CYSLTR2: variants seen among roughly 807,000 people sequenced by gnomAD.
The protein encoded by CYSLTR2 is cysteinyl leukotriene receptor 2.
For synonymous variants in CYSLTR2, 179 were observed against 160.8 expected (o/e 1.11, Z -0.86); for missense variants, 398 against 411.9 (o/e 0.97, Z 0.29).
At chr13:48,706,796 G>A in intron 4 of CYSLTR2, 21 bp from the exon 5 acceptor site, 2 of 1,575,528 alleles carry the variant, frequency 1.3e-6, no homozygotes, top group African/African-American at 1.4e-5. Context: ...AACTTTTTGT[G>A]TCTGTTTCTT....
intron 4 of CYSLTR2, among the ~76,000 whole-genome samples, chr13:48,705,536 T>TA (rs550891419): frequency 3.4e-4 from 51 of 150,954 alleles, no homozygotes; most frequent in African/African-American, 1.1e-3. Flanking sequence ...TATTTATCTG[T>TA]AATGTTTTTG....
rs115490599 is a variant in CYSLTR2 at position 48,674,628 on chromosome 13, C to T, written c.-265-16584C>T. ...CTTCTGAAGCCTACTTCTGTCAATT[C>T]GTCAAACCCATTCACCATTCAGTTT... is the stretch of plus-strand genomic sequence containing the variant. On this transcript the variant is annotated intron_variant, in intron 1 of 4. Coordinates refer to ENST00000682523, the MANE Select transcript of CYSLTR2 (RefSeq NM_001308476.3). Among the ~76,000 whole-genome samples the T allele has an allele frequency of 3.2e-3, 490 of 152,294 alleles. 4 individuals are homozygous for T. Among genetic ancestry groups the T allele is most frequent in the African/African-American group, 0.011 (474 of 41,558 alleles).
In CYSLTR2 at chr13:48,675,803, C is replaced by G. The variant is rs73182546; in HGVS notation, c.-265-15409C>G. On this transcript the variant is annotated intron_variant, in intron 1 of 4. Transcript: ENST00000682523. Reference sequence around the variant, plus strand: ...TAGGCACCCGAGGGATTCTCCTAGTCCGCAGGTTGCAAAAACCATGGAAAA... The same window carrying G: ...TAGGCACCCGAGGGATTCTCCTAGTGCGCAGGTTGCAAAAACCATGGAAAA... Among the ~76,000 whole-genome samples the G allele has an allele frequency of 3.9e-3, 597 of 152,268 alleles. 8 individuals are homozygous for G. Among genetic ancestry groups the G allele is most frequent in the South Asian group, 0.028 (137 of 4,822 alleles).
intron 1 of CYSLTR2, among the ~76,000 whole-genome samples, chr13:48,680,102 G>A (rs901052974): frequency 3.9e-5 from 6 of 152,166 alleles, no homozygotes; most frequent in African/African-American, 1.2e-4. Flanking sequence ...GTAGCAATTT[G>A]CCACAAGGTC....
At chr13:48,706,494 C>A in intron 4 of CYSLTR2, 1 of 225,442 alleles carries the variant, frequency 4.4e-6, no homozygotes, top group East Asian at 9.8e-5. Flanking sequence ...ATCTGCTATT[C>A]AGTAGTTTTA....
rs1263195690 is a variant in CYSLTR2 at position 48,691,293 on chromosome 13, TC to T, written c.-183del. ...GTCCATGCAAGGTATGGAGAGTTCC[TC>T]AACAGAGGTAATCAATCATCAGCTT... On this transcript the variant is annotated 5_prime_UTR_variant, in exon 2 of 5. The change creates a premature stop within an existing upstream ORF in the 5' untranslated region. Coordinates refer to ENST00000682523, the MANE Select transcript of CYSLTR2 (RefSeq NM_001308476.3). 6.6e-6 allele frequency: 1 copy of T among 152,040 alleles called. No individual in the cohort carries two copies. Among genetic ancestry groups the T allele is most frequent in the Non-Finnish European group, 1.5e-5 (1 of 67,946 alleles). 9.4% of individuals were successfully genotyped at this position (152,040 alleles called of 1,614,324 possible). A position where few individuals can be genotyped will look rare whatever the true frequency, so the allele number is the denominator to read the frequency against.
intron 1 of CYSLTR2, among the ~76,000 whole-genome samples, chr13:48,690,376 A>G (rs1339955916): frequency 1.3e-5 from 2 of 152,092 alleles, no homozygotes; most frequent in Non-Finnish European, 2.9e-5. Context: ...TCAGTATGAT[A>G]TTGGCTGTGG....
intron 1 of CYSLTR2, among the ~76,000 whole-genome samples, chr13:48,674,811 G>T (rs1255265058): frequency 6.6e-6 from 1 of 152,072 alleles, no homozygotes; most frequent in Admixed American, 6.5e-5. Context: ...ATTTTTGCAC[G>T]GGCATCCTTT....
In CYSLTR2 at chr13:48,693,460, C is replaced by G. The variant is rs1594002376; in HGVS notation, c.-153C>G. 6.6e-6 allele frequency: 1 copy of G among 151,542 alleles called. No individual in the cohort carries two copies. Among genetic ancestry groups the G allele is most frequent in the East Asian group, 1.9e-4 (1 of 5,162 alleles). The allele number at this position is 151,542 out of a possible 1,614,324, so 9.4% of individuals were successfully genotyped here. ...CAGACATTTTGACTACTTGTCTGAA[C>G]TAGATATCCCTTGAATGTGCACACA... is the stretch of plus-strand genomic sequence containing the variant. On this transcript the variant is annotated 5_prime_UTR_variant, in exon 3 of 5. Transcript: ENST00000682523.
chr13:48,675,491 C>T (rs936516591), intron 1 of CYSLTR2, among the ~76,000 whole-genome samples: 8 of 152,174 alleles, frequency 5.3e-5, no homozygotes, highest in Non-Finnish European at 1.2e-4. Flanking sequence ...ACCCCTCCCC[C>T]ATCAAGCTCA....
At chr13:48,682,853 A>AT (rs1215658416) in intron 1 of CYSLTR2, among the ~76,000 whole-genome samples, 3 of 151,966 alleles carry the variant, frequency 2.0e-5, no homozygotes, top group Non-Finnish European at 4.4e-5. Context: ...CCCAATAACT[A>AT]TTTTTTCTGA....
At position 48,707,876 on chromosome 13, in the gene CYSLTR2, C is replaced by T; in HGVS notation, c.*18C>T. On this transcript the variant is annotated 3_prime_UTR_variant, in exon 5 of 5. Coordinates refer to ENST00000682523, the MANE Select transcript of CYSLTR2 (RefSeq NM_001308476.3). ...GAGTATAAGGAGCTCTTAGATGAGA[C>T]CTGTTCTTGTATCCTTGTGTCCATC... 1 of 1,500,762 alleles carries T rather than the reference C, an allele frequency of 6.7e-7. No individual in the cohort carries two copies. The highest frequency in any genetic ancestry group is 1.4e-5 in the African/African-American group (1 of 71,536). The allele number at this position is 1,500,762 out of a possible 1,614,324, so 93.0% of individuals were successfully genotyped here.
intron 4 of CYSLTR2, among the ~76,000 whole-genome samples, chr13:48,702,052 A>C (rs1265861831): frequency 6.6e-6 from 1 of 152,124 alleles, no homozygotes; most frequent in Non-Finnish European, 1.5e-5. Context: ...AAAATGTGAC[A>C]CATATACACC....
intron 2 of CYSLTR2, among the ~76,000 whole-genome samples, chr13:48,692,986 A>T (rs1954075782): frequency 6.6e-6 from 1 of 151,876 alleles, no homozygotes; most frequent in East Asian, 1.9e-4. Context: ...CCTTAAAGTT[A>T]GTTAAGGATC....
intron 1 of CYSLTR2, among the ~76,000 whole-genome samples, chr13:48,682,314 C>T (rs1006256364): frequency 6.6e-6 from 1 of 152,150 alleles, no homozygotes; most frequent in African/African-American, 2.4e-5. Flanking sequence ...AAGTATAATT[C>T]ACTGTAAGAT....
At chr13:48,681,103 T>C (rs1039320133) in intron 1 of CYSLTR2, among the ~76,000 whole-genome samples, 12 of 152,086 alleles carry the variant, frequency 7.9e-5, no homozygotes, top group Non-Finnish European at 1.6e-4. Flanking sequence ...CAACTGTGGC[T>C]GCTTGACAAC....
Position 48,707,844 on chromosome 13 carries a change from G to A in CYSLTR2, c.1027G>A (p.Glu343Lys), listed in dbSNP as rs777806801. ...VFPVSVWLRK[E>K]TRV is the part of the protein sequence containing the mutation. ...CCCTGTTAGTGTGTGGTTGAGAAAGGAAACAAGAGTATAAGGAGCTCTTAG... is the reference window on the plus strand; with the variant it reads ...CCCTGTTAGTGTGTGGTTGAGAAAGAAAACAAGAGTATAAGGAGCTCTTAG... The change falls in exon 5 of 5, where the codon GAA (glutamate) becomes AAA (lysine). Residue 343 changes from glutamate (E) to lysine (K), a missense_variant. Coordinates refer to ENST00000682523, the MANE Select transcript of CYSLTR2 (RefSeq NM_001308476.3). 6.6e-7 allele frequency: 1 copy of A among 1,524,740 alleles called. No homozygotes were observed. Among genetic ancestry groups the A allele is most frequent in the Non-Finnish European group, 8.8e-7 (1 of 1,138,368 alleles). 94.5% of individuals were successfully genotyped at this position (1,524,740 alleles called of 1,614,324 possible).
intron 4 of CYSLTR2, among the ~76,000 whole-genome samples, chr13:48,697,183 T>G (rs1335485378): frequency 6.6e-6 from 1 of 152,212 alleles, no homozygotes; most frequent in South Asian, 2.1e-4. Context: ...GCACGGAGTT[T>G]GAGATCTGAG....
chr13:48,693,394 A>G (rs997480441), intron 2 of CYSLTR2, 44 bp from the exon 3 acceptor site: 1 of 152,106 alleles, frequency 6.6e-6, no homozygotes, highest in African/African-American at 2.4e-5. Flanking sequence ...TTGTGCCCAC[A>G]GAAAGAAACA....
Sources: allele counts gnomAD v4.1 joint callset (sites outside exome capture counted in the v4.1 genomes callset), GRCh38; gene constraint gnomAD v4.1.1; transcripts MANE v1.5; gene names NCBI Gene and HGNC (gene_info 2026-07-23, HGNC 2026-07-21).